The following DOP1A variants were observed in gnomAD, a reference collection of about 807,000 sequenced individuals.
DOP1A encodes DOP1 leucine zipper like protein A.
Under a neutral mutation model 267.6 loss-of-function variants are expected in DOP1A, and 90 were observed. That is an observed-to-expected ratio of 0.34 (90% CI 0.28 to 0.40). DOP1A has a LOEUF of 0.40. Among genes scored for constraint, DOP1A ranks in the 10% least tolerant of loss-of-function variants. The probability of loss-of-function intolerance (pLI) is 1.00; values close to 1 mark genes in which losing one functional copy is unlikely to be tolerated. For synonymous variants in DOP1A, 932 were observed against 999.1 expected (o/e 0.93, Z 1.27); for missense variants, 2,437 against 2,900.4 (o/e 0.84, Z 3.67).
chr6:83,140,494 A>G, intron 23 of DOP1A, 91 bp downstream of exon 23: 1 of 1,068,476 alleles, frequency 9.4e-7, no homozygotes, highest in Non-Finnish European at 1.3e-6. Flanking sequence ...TTTGTGTAGT[A>G]TTTACAGGAC....
At chr6:83,086,030 G>A (rs528154578) in intron 1 of DOP1A, among the ~76,000 whole-genome samples, 6 of 152,200 alleles carry the variant, frequency 3.9e-5, no homozygotes, top group African/African-American at 1.4e-4. Context: ...ATAGATTTAG[G>A]ACACATCAGT....
At chr6:83,156,386 G>A (rs1325481380) in intron 34 of DOP1A, among the ~76,000 whole-genome samples, 1 of 152,180 alleles carries the variant, frequency 6.6e-6, no homozygotes, top group Non-Finnish European at 1.5e-5. Context: ...TTTGCTGCGG[G>A]CAGTCATGTT....
chr6:83,167,790 T>C (rs999961072), intron 38 of DOP1A, 72 bp from the exon 39 acceptor site: 7 of 1,479,092 alleles, frequency 4.7e-6, no homozygotes, highest in African/African-American at 1.4e-5. Flanking sequence ...CCAAAGTTTA[T>C]ATATTTTTAA....
At chr6:83,080,298 A>G (rs1767863530) in intron 1 of DOP1A, among the ~76,000 whole-genome samples, 1 of 152,232 alleles carries the variant, frequency 6.6e-6, no homozygotes. Flanking sequence ...CCACACAACT[A>G]CTTCTTTCTA....
intron 15 of DOP1A, among the ~76,000 whole-genome samples, chr6:83,127,850 A>G (rs1031934377): frequency 6.6e-6 from 1 of 152,198 alleles, no homozygotes; most frequent in African/African-American, 2.4e-5. Flanking sequence ...TGTAATCCTC[A>G]TAGCAATTGT....
chr6:83,148,271 G>A lies in DOP1A; in HGVS notation c.5733-488G>A, dbSNP rs191949071. Among the ~76,000 whole-genome samples the A allele has an allele frequency of 1.3e-3, 202 of 152,094 alleles. 2 individuals are homozygous for A. Among genetic ancestry groups the A allele is most frequent in the African/African-American group, 4.8e-3 (197 of 41,472 alleles). On this transcript the variant is annotated intron_variant, in intron 26 of 38. Transcript: ENST00000349129. ...TACTAAAAATACAAAAATTAGCTGGGCATGGCAGCGCACGCCTGTAGTCCC... is the reference window on the plus strand; with the variant it reads ...TACTAAAAATACAAAAATTAGCTGGACATGGCAGCGCACGCCTGTAGTCCC...
intron 7 of DOP1A, among the ~76,000 whole-genome samples, chr6:83,117,621 G>A (rs1228589298): frequency 6.6e-6 from 1 of 152,156 alleles, no homozygotes; most frequent in Non-Finnish European, 1.5e-5. Flanking sequence ...TTCATGCTAA[G>A]GTGCCAGCAG....
intron 35 of DOP1A, 98 bp from the exon 36 acceptor site, chr6:83,158,469 A>G (rs1284260178): frequency 9.5e-6 from 9 of 945,822 alleles, no homozygotes; most frequent in Non-Finnish European, 1.4e-5. Flanking sequence ...AATGTATTCT[A>G]AAATTTGTTT....
In DOP1A at chr6:83,134,242, A is replaced by C; in HGVS notation, c.2825A>C (p.Asp942Ala). Residue 942 changes from aspartate (D) to alanine (A), a missense_variant, in exon 19 of 39, where the codon GAT becomes GCT. Coordinates refer to ENST00000349129, the MANE Select transcript of DOP1A (RefSeq NM_015018.4). ...KFAVLWHLTR[D>A]LHINKSSSFV... ...GCAGTTCTTTGGCATCTAACGAGAG[A>C]TCTCCATATAAATAAATCTTCATCT... is the stretch of plus-strand genomic sequence containing the variant. The C allele has an allele frequency of 1.2e-6, 2 of 1,612,896 alleles. No individual in the cohort carries two copies. The highest frequency in any genetic ancestry group is 3.3e-4 in the Middle Eastern group (2 of 6,050).
At chr6:83,107,234 G>A (rs893449986) in intron 4 of DOP1A, among the ~76,000 whole-genome samples, 23 of 151,858 alleles carry the variant, frequency 1.5e-4, no homozygotes, top group Non-Finnish European at 3.1e-4. Flanking sequence ...ATGTCAGTTC[G>A]GAAAGAAAAA....
At chr6:83,151,765 T>G in intron 28 of DOP1A, 106 bp downstream of exon 28, 4 of 1,436,802 alleles carry the variant, frequency 2.8e-6, no homozygotes, top group South Asian at 2.6e-5. Flanking sequence ...CTCTGAACAT[T>G]CTATGGGAAT....
intron 1 of DOP1A, among the ~76,000 whole-genome samples, chr6:83,094,015 C>T (rs566309525): frequency 1.2e-3 from 188 of 152,192 alleles, no homozygotes; most frequent in African/African-American, 4.2e-3. Context: ...TTTTGTCACC[C>T]CAAAAAGAAA....
intron 1 of DOP1A, among the ~76,000 whole-genome samples, chr6:83,069,227 T>C (rs576059991): frequency 3.0e-4 from 45 of 152,248 alleles, no homozygotes; most frequent in African/African-American, 1.0e-3. Flanking sequence ...AACTGATGTT[T>C]CCCCCAGAAC....
intron 1 of DOP1A, among the ~76,000 whole-genome samples, chr6:83,095,181 C>T (rs1454976967): frequency 6.6e-6 from 1 of 152,208 alleles, no homozygotes; most frequent in Admixed American, 6.5e-5. Context: ...GATCCGCCTA[C>T]CTCGGCCTCC....
chr6:83,139,169 G>A lies in DOP1A; in HGVS notation c.5120+7G>A. ...CAGGATTATCTGATAGTAGGTAAGA[G>A]GTGATTTTTAACTTTATTGGTACTG... On this transcript the variant is annotated splice_region_variant and intron_variant, in intron 21 of 38. Transcript: ENST00000349129. The A allele has an allele frequency of 1.9e-6, 3 of 1,597,534 alleles. No individual in the cohort carries two copies. The highest frequency in any genetic ancestry group is 2.6e-6 in the Non-Finnish European group (3 of 1,168,652).
downstream of DOP1A, chr6:83,168,625 C>CA: frequency 1.0e-6 from 1 of 996,426 alleles, no homozygotes. Flanking sequence ...TCACCAAGAG[C>CA]AGTGAAGAAT....
chr6:83,137,128 T>G (rs756906606), intron 20 of DOP1A, 45 bp from the exon 21 acceptor site: 3 of 1,463,092 alleles, frequency 2.1e-6, no homozygotes, highest in South Asian at 2.9e-5. Context: ...ATTATTTTAA[T>G]GCATTTTGTA....
rs764003862 is a variant in DOP1A, at chr6:83,152,358, A to T, written c.6120A>T (p.Leu2040Phe). 14 of 1,524,178 alleles carry T rather than the reference A, an allele frequency of 9.2e-6. No individual in the cohort carries two copies. Among genetic ancestry groups the T allele is most frequent in the African/African-American group, 1.4e-5 (1 of 70,724 alleles). The allele number at this position is 1,524,178 out of a possible 1,614,324, so 94.4% of individuals were successfully genotyped here. Residue 2040 changes from leucine (L) to phenylalanine (F), a missense_variant, in exon 30 of 39, where the codon TTA becomes TTT. By Grantham distance (22) the Leu-to-Phe change is conservative (BLOSUM62 0). Around this residue, in one of 9 missense-constraint regions of DOP1A, gnomAD observed 216 missense variants for 283.3 expected, o/e 0.76. Transcript: ENST00000349129. Reference protein sequence around the residue: ...PSVYSVHALTLLSEVLAHLLD... With the variant: ...PSVYSVHALTFLSEVLAHLLD... Reference sequence around the variant, plus strand: ...TATATAGTGTCCATGCATTGACATTACTCTCTGAGGTAAATATTAAGCTTT... The same window carrying T: ...TATATAGTGTCCATGCATTGACATTTCTCTCTGAGGTAAATATTAAGCTTT...
chr6:83,079,072 T>C (rs1767626919), intron 1 of DOP1A, among the ~76,000 whole-genome samples: 1 of 152,230 alleles, frequency 6.6e-6, no homozygotes, highest in African/African-American at 2.4e-5. Flanking sequence ...ACTTTGTCCA[T>C]CAAGGGAGTT....
Sources: allele counts gnomAD v4.1 joint callset (sites outside exome capture counted in the v4.1 genomes callset), GRCh38; gene constraint gnomAD v4.1.1; regional missense constraint gnomAD v4.1.1; transcripts MANE v1.5; gene names NCBI Gene and HGNC (gene_info 2026-07-23, HGNC 2026-07-21).